APH1B: variants seen among roughly 807,000 people sequenced by gnomAD.
The protein encoded by APH1B is aph-1B gamma-secretase subunit.
APH1B carries 27 observed loss-of-function variants against 28.2 expected under a neutral mutation model. The observed-to-expected ratio is 0.96, with a 90% CI of 0.70 to 1.32. APH1B has a LOEUF of 1.32. APH1B is among the 40% of genes most tolerant of loss of function. The pLI is 0.00. For synonymous variants in APH1B, 141 were observed against 124.6 expected, an observed-to-expected ratio of 1.13 and a Z score of -0.88; for missense variants, 305 against 313.6, an observed-to-expected ratio of 0.97 and a Z score of 0.21.
chr15:63,278,204 T>C (rs2038346562), intron 1 of APH1B: 1 of 430,760 alleles, frequency 2.3e-6, no homozygotes, highest in Admixed American at 2.7e-5. Flanking sequence ...CCCCGATCCA[T>C]TGAATCAGAA....
chr15:63,291,448 G>A (rs577707663), intron 4 of APH1B, among the ~76,000 whole-genome samples: 11 of 152,272 alleles, frequency 7.2e-5, no homozygotes, highest in African/African-American at 9.6e-5. Context: ...GCCACTAAAC[G>A]TTTCACAAGG....
At chr15:63,302,295 A>G in intron 4 of APH1B, 50 bp from the exon 5 acceptor site, 1 of 1,601,566 alleles carries the variant, frequency 6.2e-7, no homozygotes, top group Non-Finnish European at 8.5e-7. Flanking sequence ...CAGGGTCCTC[A>G]GTGGTTCTGA....
In APH1B at chr15:63,305,733, G is replaced by A. The variant is rs138038001; in HGVS notation, c.726G>A (p.Leu242=). The change falls in exon 6 of 6, where the codon CTG becomes CTA. Residue 242 remains leucine, a synonymous_variant. Transcript: ENST00000261879. ...GCTGCCGAAGCCTGAAACTCTGCCT[G>A]CTCTGCCAAGACAAGAACTTTCTTC... The part of the protein sequence containing the change: ...GGSCRSLKLC[L]LCQDKNFLLY... 5.7e-4 allele frequency: 918 copies of A among 1,614,216 alleles called. 4 individuals carry two copies. The African/African-American group carries it at 0.011, about 20-fold the overall frequency.
In APH1B at chr15:63,305,597, T is replaced by C; in HGVS notation, c.607-17T>C. On this transcript the variant is annotated splice_polypyrimidine_tract_variant and intron_variant, in intron 5 of 5. Coordinates refer to ENST00000261879, the MANE Select transcript of APH1B (RefSeq NM_031301.4). ...GCTTGCTGTTATTACCCAAGCTGAT[T>C]TATTTTTCTTTTGCAGACCTTCATA... is the stretch of plus-strand genomic sequence containing the variant. 1.9e-6 allele frequency: 3 copies of C among 1,613,280 alleles called. No individual in the cohort carries two copies. The highest frequency in any genetic ancestry group is 2.5e-6 in the Non-Finnish European group (3 of 1,179,692).
At chr15:63,277,763 G>T in intron 1 of APH1B, 27 bp downstream of exon 1, 1 of 1,599,610 alleles carries the variant, frequency 6.3e-7, no homozygotes, top group Non-Finnish European at 8.5e-7. Flanking sequence ...GGGAAACCCG[G>T]ACGCCGGGGC....
intron 2 of APH1B, among the ~76,000 whole-genome samples, chr15:63,284,988 G>A (rs761064893): frequency 1.3e-5 from 2 of 152,002 alleles, no homozygotes; most frequent in East Asian, 1.9e-4. Context: ...CACTTTTAAC[G>A]GTATCACTAT....
intron 4 of APH1B, among the ~76,000 whole-genome samples, chr15:63,293,910 A>T (rs1015968392): frequency 6.6e-6 from 1 of 151,242 alleles, no homozygotes; most frequent in African/African-American, 2.4e-5. Flanking sequence ...CCACAGGCAC[A>T]TGCCACTAAA....
At chr15:63,294,373 C>T (rs1189126954) in intron 4 of APH1B, among the ~76,000 whole-genome samples, 2 of 152,322 alleles carry the variant, frequency 1.3e-5, no homozygotes, top group South Asian at 2.1e-4. Flanking sequence ...CCATGCAGCT[C>T]CATGGCCATG....
In APH1B at chr15:63,305,617, T is replaced by G; in HGVS notation, c.610T>G (p.Phe204Val). ...LTHLLVSAQT[F>V]ISSYYGINLA... ...CTGATTTATTTTTCTTTTGCAGACC[T>G]TCATAAGTTCTTATTATGGAATAAA... The change falls in exon 6 of 6, where the codon TTC (phenylalanine) becomes GTC (valine). Residue 204 changes from phenylalanine (F) to valine (V), a missense_variant. Coordinates refer to ENST00000261879, the MANE Select transcript of APH1B (RefSeq NM_031301.4). 1 of 1,614,040 alleles carries G rather than the reference T, an allele frequency of 6.2e-7. No homozygotes were observed. Among genetic ancestry groups the G allele is most frequent in the Non-Finnish European group, 8.5e-7 (1 of 1,179,988 alleles).
chr15:63,302,121 G>C (rs752834449), intron 4 of APH1B, among the ~76,000 whole-genome samples: 1 of 152,158 alleles, frequency 6.6e-6, no homozygotes, highest in Non-Finnish European at 1.5e-5. Flanking sequence ...GATCTTAGGC[G>C]ACCTTTTATT....
At chr15:63,281,331 T>G (rs372544672) in intron 2 of APH1B, among the ~76,000 whole-genome samples, 1 of 151,808 alleles carries the variant, frequency 6.6e-6, no homozygotes, top group Non-Finnish European at 1.5e-5. Flanking sequence ...TGTTTGTTCT[T>G]TTTGGTCAGT....
chr15:63,279,516 T>C (rs568165103), intron 2 of APH1B, among the ~76,000 whole-genome samples, 185 bp downstream of exon 2: 2 of 152,350 alleles, frequency 1.3e-5, no homozygotes, highest in South Asian at 4.1e-4. Context: ...TCTTATTTCC[T>C]TCCTTTCTTC....
At chr15:63,303,647 C>T (rs888283632) in intron 5 of APH1B, among the ~76,000 whole-genome samples, 5 of 152,104 alleles carry the variant, frequency 3.3e-5, no homozygotes, top group Non-Finnish European at 4.4e-5. Flanking sequence ...GGGCATGCGC[C>T]GTCATGCCTG....
chr15:63,287,624 T>A, intron 4 of APH1B, 78 bp downstream of exon 4: 1 of 1,505,558 alleles, frequency 6.6e-7, no homozygotes, highest in East Asian at 2.3e-5. Flanking sequence ...GGCTTAGGAA[T>A]TTCAGTGGAT....
Position 63,277,758 on chromosome 15 carries a change from AC to A in APH1B, c.113+25del, listed in dbSNP as rs753013664. 5.0e-6 allele frequency: 8 copies of A among 1,598,576 alleles called. No homozygotes were observed. The South Asian group carries it at 5.5e-5, about 11-fold the overall frequency. ...CCGGGTGAGGCGGTCGCGTCGGGAA[AC>A]CCGGACGCCGGGGCTCCCCTCCCCC... On this transcript the variant is annotated intron_variant, in intron 1 of 5. Transcript: ENST00000261879.
rs1376217586 is a variant in APH1B, at chr15:63,279,106, CATT to C, written c.114-50_114-48del. The C allele has an allele frequency of 2.5e-6, 3 of 1,198,842 alleles. No homozygotes were observed. In the East Asian group the frequency reaches 8.4e-5, roughly 34 times the overall value. The allele number at this position is 1,198,842 out of a possible 1,614,324, so 74.3% of individuals were successfully genotyped here. On this transcript the variant is annotated intron_variant, in intron 1 of 5. Coordinates refer to ENST00000261879, the MANE Select transcript of APH1B (RefSeq NM_031301.4). ...TTTTTTTTTTTTTCCTGCTTTTAAA[CATT>C]ATTAATCCTGTACTGATGTTCACTT...
At chr15:63,298,555 T>A (rs974259091) in intron 4 of APH1B, among the ~76,000 whole-genome samples, 18 of 152,176 alleles carry the variant, frequency 1.2e-4, no homozygotes, top group Non-Finnish European at 2.5e-4. Flanking sequence ...GAGACTTGGA[T>A]ATAAATGGTC....
intron 4 of APH1B, among the ~76,000 whole-genome samples, chr15:63,300,723 G>A (rs528021887): frequency 1.3e-5 from 2 of 152,164 alleles, no homozygotes; most frequent in South Asian, 2.1e-4. Flanking sequence ...ATAATTACAC[G>A]TTTACACCAG....
intron 4 of APH1B, among the ~76,000 whole-genome samples, chr15:63,294,012 G>T (rs183812222): frequency 5.8e-4 from 88 of 151,922 alleles, no homozygotes; most frequent in Middle Eastern, 6.8e-3. Context: ...TGATTCTCCT[G>T]CCTCAACCTC....
Sources: allele counts gnomAD v4.1 joint callset (sites outside exome capture counted in the v4.1 genomes callset), GRCh38; gene constraint gnomAD v4.1.1; transcripts MANE v1.5; gene names NCBI Gene and HGNC (gene_info 2026-07-23, HGNC 2026-07-21).